The following GAB3 variants were observed in gnomAD, a reference collection of about 807,000 sequenced individuals.
GAB3 encodes the protein GRB2-associated-binding protein 3.
A neutral mutation model predicts 40.4 loss-of-function variants in GAB3; 12 were observed. That is an observed-to-expected ratio of 0.30 (90% CI 0.19 to 0.48). The LOEUF is 0.48. Ranked by LOEUF, GAB3 falls within the 20% of genes least tolerant of loss-of-function variation. The pLI, the probability that GAB3 is intolerant of heterozygous loss-of-function variation, is 0.99. For synonymous variants in GAB3, 154 were observed against 176.7 expected, an observed-to-expected ratio of 0.87 and a Z score of 1.02; for missense variants, 381 against 461.9, an observed-to-expected ratio of 0.82 and a Z score of 1.61.
At chrX:154,691,919 T>C (rs962059863) in intron 8 of GAB3, among the ~76,000 whole-genome samples, 3 of 111,896 alleles carry the variant, frequency 2.7e-5, no homozygotes, top group Non-Finnish European at 5.6e-5. Context: ...GAAAGGATAG[T>C]CTAGACTTTC....
At chrX:154,703,756 G>A (rs372668033) in intron 4 of GAB3, among the ~76,000 whole-genome samples, 25 of 112,264 alleles carry the variant, frequency 2.2e-4, no homozygotes, top group Admixed American at 1.9e-3. Flanking sequence ...ATGCTTGTGA[G>A]GATGTGGAGA....
chrX:154,685,050 T>C (rs1374704012), intron 8 of GAB3, among the ~76,000 whole-genome samples: 1 of 112,115 alleles, frequency 8.9e-6, no homozygotes, highest in African/African-American at 3.2e-5. Flanking sequence ...TAAATCACTC[T>C]TTGTGCTTAG....
intron 8 of GAB3, among the ~76,000 whole-genome samples, chrX:154,684,785 T>C (rs1277005741): frequency 3.6e-5 from 4 of 111,734 alleles, no homozygotes; most frequent in Non-Finnish European, 5.7e-5. Flanking sequence ...CATTTTATTA[T>C]ACTAACCTGC....
intron 4 of GAB3, 64 bp from the exon 5 acceptor site, chrX:154,700,123 A>G (rs1343455954): frequency 3.2e-6 from 3 of 927,921 alleles, no homozygotes; most frequent in Non-Finnish European, 4.7e-6. Flanking sequence ...TAGAGTCCAG[A>G]GAGGCAGAGA....
intron 1 of GAB3, among the ~76,000 whole-genome samples, chrX:154,748,284 C>T (rs935758433): frequency 1.8e-5 from 2 of 111,063 alleles, no homozygotes; most frequent in South Asian, 7.5e-4. Flanking sequence ...GAATATGATC[C>T]CAGTTGTGCA....
At chrX:154,720,936 G>T (rs782558076) in intron 1 of GAB3, among the ~76,000 whole-genome samples, 3 of 111,707 alleles carry the variant, frequency 2.7e-5, no homozygotes, top group Non-Finnish European at 5.6e-5. Flanking sequence ...CAGACATTTT[G>T]TGCCTCTGAT....
chrX:154,679,699 A>G (rs1344827586), intron 9 of GAB3, among the ~76,000 whole-genome samples: 9 of 111,562 alleles, frequency 8.1e-5, no homozygotes, highest in African/African-American at 2.9e-4. Flanking sequence ...AATTCTACCC[A>G]AAGGGGTAGC....
intron 2 of GAB3, among the ~76,000 whole-genome samples, chrX:154,715,407 TGTGTGC>T: frequency 9.3e-6 from 1 of 107,962 alleles, no homozygotes; most frequent in African/African-American, 3.3e-5. Flanking sequence ...TGTGTGTGCG[TGTGTGC>T]GTGTGTGCGT....
chrX:154,681,435 GT>G (rs67404624), intron 8 of GAB3, among the ~76,000 whole-genome samples: 48,657 of 100,774 alleles, frequency 0.48, 10,395 homozygotes, highest in East Asian at 0.76. Flanking sequence ...TGTTTTTTGG[GT>G]TTTTTTTTTT....
intron 1 of GAB3, among the ~76,000 whole-genome samples, chrX:154,745,748 A>G (rs1035697876): frequency 1.8e-5 from 2 of 112,168 alleles, no homozygotes; most frequent in African/African-American, 6.5e-5. Flanking sequence ...ATAGCCCTAT[A>G]TCTATTAAAG....
At chrX:154,701,102 T>C (rs1326666795) in intron 4 of GAB3, among the ~76,000 whole-genome samples, 3 of 111,819 alleles carry the variant, frequency 2.7e-5, no homozygotes, top group South Asian at 7.4e-4. Flanking sequence ...TACACCACCA[T>C]GTATTAGCTG....
chrX:154,686,788 T>C (rs1279113447), intron 8 of GAB3, among the ~76,000 whole-genome samples: 1 of 110,906 alleles, frequency 9.0e-6, no homozygotes, highest in Non-Finnish European at 1.9e-5. Flanking sequence ...TAAAAAATAC[T>C]ATTTATAATA....
chrX:154,737,760 C>T (rs1040346376), intron 1 of GAB3, among the ~76,000 whole-genome samples: 5 of 111,669 alleles, frequency 4.5e-5, no homozygotes, highest in Non-Finnish European at 7.5e-5. Flanking sequence ...TTTGGGAGGC[C>T]GAGGCAGGAG....
chrX:154,687,194 A>G (rs1557248024), intron 8 of GAB3, among the ~76,000 whole-genome samples: 1 of 110,715 alleles, frequency 9.0e-6, no homozygotes, highest in Non-Finnish European at 1.9e-5. Context: ...TCTATCTCAA[A>G]AAAAAGAAAA....
chrX:154,744,174 A>G (rs1164412015), intron 1 of GAB3, among the ~76,000 whole-genome samples: 1 of 92,156 alleles, frequency 1.1e-5, no homozygotes, highest in Non-Finnish European at 2.1e-5. Context: ...AGATCGTGCC[A>G]CTGCACTCCA....
intron 8 of GAB3, among the ~76,000 whole-genome samples, chrX:154,682,063 C>A (rs1199623581): frequency 8.9e-6 from 1 of 112,008 alleles, no homozygotes; most frequent in Non-Finnish European, 1.9e-5. Flanking sequence ...ATTTTCTCCA[C>A]AATATTTTTT....
intron 1 of GAB3, among the ~76,000 whole-genome samples, chrX:154,716,973 G>A (rs782738933): frequency 2.7e-5 from 3 of 111,761 alleles, no homozygotes; most frequent in Non-Finnish European, 5.6e-5. Context: ...TTGTCTAAGC[G>A]CTTTACTGTA....
intron 1 of GAB3, among the ~76,000 whole-genome samples, chrX:154,717,676 A>T (rs974294125): frequency 8.9e-6 from 1 of 111,859 alleles, no homozygotes; most frequent in Non-Finnish European, 1.9e-5. Flanking sequence ...TGATGTAGAC[A>T]GTACCATCTT....
intron 1 of GAB3, among the ~76,000 whole-genome samples, chrX:154,728,370 T>G (rs782245289): frequency 4.4e-5 from 5 of 112,669 alleles, no homozygotes; most frequent in South Asian, 7.2e-4. Flanking sequence ...ACGTGCTTCA[T>G]ACTGTCCTGG....
Sources: allele counts gnomAD v4.1 joint callset (sites outside exome capture counted in the v4.1 genomes callset), GRCh38; gene constraint gnomAD v4.1.1; transcripts MANE v1.5; gene names NCBI Gene and HGNC (gene_info 2026-07-23, HGNC 2026-07-21).